The following TBC1D1 variants were observed in gnomAD, a reference collection of about 807,000 sequenced individuals.
The protein encoded by TBC1D1 is TBC1 domain family member 1, also known as TBC1 (tre-2/USP6, BUB2, cdc16) domain family, member 1.
In TBC1D1, 89 loss-of-function variants were observed where a neutral mutation model predicts 125.6. The observed-to-expected ratio is 0.71, with a 90% CI of 0.60 to 0.85. TBC1D1 has a LOEUF of 0.85. Ranked by LOEUF, TBC1D1 falls within the 40% of genes least tolerant of loss-of-function variation. The pLI is 0.00. For synonymous variants in TBC1D1, 565 were observed against 564.1 expected (o/e 1.00, Z -0.02); for missense variants, 1,377 against 1,469.2 (o/e 0.94, Z 1.03).
intron 10 of TBC1D1, among the ~76,000 whole-genome samples, chr4:38,047,776 G>T (rs565895981): frequency 6.6e-6 from 1 of 152,260 alleles, no homozygotes; most frequent in Non-Finnish European, 1.5e-5. Context: ...TGAGGGGTGA[G>T]GGGGCAGTGA....
intron 2 of TBC1D1, among the ~76,000 whole-genome samples, chr4:37,998,259 T>C (rs926321179): frequency 6.6e-6 from 1 of 152,212 alleles, no homozygotes; most frequent in Admixed American, 6.5e-5. Context: ...ACAAGACCCC[T>C]GTCTCCAGCG....
At chr4:37,963,408 G>A (rs1284785913) in intron 2 of TBC1D1, among the ~76,000 whole-genome samples, 1 of 151,354 alleles carries the variant, frequency 6.6e-6, no homozygotes, top group Admixed American at 6.6e-5. Flanking sequence ...GGGTGAGGGA[G>A]GGGGGAGGTC....
intron 17 of TBC1D1, chr4:38,118,419 GGATCC>G (rs1560261027): frequency 1.8e-6 from 1 of 558,466 alleles, no homozygotes; most frequent in Non-Finnish European, 3.2e-6. Flanking sequence ...TGTGGGATGT[GGATCC>G]GATCCGTGTA....
At chr4:38,053,258 T>C in intron 11 of TBC1D1, 33 bp downstream of exon 13, 1 of 1,394,498 alleles carries the variant, frequency 7.2e-7, no homozygotes, top group Non-Finnish European at 9.3e-7. Context: ...CAAGCCTGGG[T>C]GTTACTAAGT....
At chr4:38,054,579 G>A (rs1751339020) in intron 12 of TBC1D1, among the ~76,000 whole-genome samples, 1 of 152,194 alleles carries the variant, frequency 6.6e-6, no homozygotes. Context: ...TGTTTAGAGT[G>A]GTCACAGTGT....
chr4:38,041,911 C>T (rs1222196011), intron 8 of TBC1D1, among the ~76,000 whole-genome samples: 4 of 152,148 alleles, frequency 2.6e-5, no homozygotes, highest in East Asian at 1.9e-4. Context: ...CAGTGGCTCA[C>T]GCCTGTAATC....
chr4:38,122,606 C>T (rs980309517), intron 17 of TBC1D1, among the ~76,000 whole-genome samples: 2 of 152,186 alleles, frequency 1.3e-5, no homozygotes, highest in Non-Finnish European at 2.9e-5. Context: ...CTGGGCATAA[C>T]TCTACCGAAC....
chr4:37,954,659 G>C (rs1728548903), intron 2 of TBC1D1, among the ~76,000 whole-genome samples: 1 of 152,022 alleles, frequency 6.6e-6, no homozygotes, highest in African/African-American at 2.4e-5. Flanking sequence ...GATGAGGACC[G>C]GCCTAGGATA....
chr4:37,994,659 T>A (rs1055405837), intron 2 of TBC1D1, among the ~76,000 whole-genome samples: 27 of 152,248 alleles, frequency 1.8e-4, no homozygotes, highest in Admixed American at 1.6e-3. Flanking sequence ...ATGCATTTTA[T>A]GACCCTTGTT....
intron 15 of TBC1D1, among the ~76,000 whole-genome samples, chr4:38,114,199 G>C (rs970965520): frequency 6.6e-6 from 1 of 152,148 alleles, no homozygotes; most frequent in Non-Finnish European, 1.5e-5. Context: ...TAACAGAGTG[G>C]ATAATTTGTT....
intron 12 of TBC1D1, among the ~76,000 whole-genome samples, chr4:38,082,619 T>G (rs1756768757): frequency 6.6e-6 from 1 of 152,202 alleles, no homozygotes; most frequent in Non-Finnish European, 1.5e-5. Context: ...ATGCGTTATC[T>G]CCTGTCTACA....
intron 2 of TBC1D1, among the ~76,000 whole-genome samples, chr4:37,991,916 C>G (rs1252009250): frequency 1.3e-5 from 2 of 152,200 alleles, no homozygotes; most frequent in African/African-American, 2.4e-5. Context: ...GTGGAAGAAA[C>G]TGCATGAGCA....
At chr4:38,038,765 G>A (rs1265604889) in intron 8 of TBC1D1, among the ~76,000 whole-genome samples, 2 of 152,136 alleles carry the variant, frequency 1.3e-5, no homozygotes, top group Non-Finnish European at 2.9e-5. Context: ...GGCTAACACA[G>A]TGAAAGCTCG....
rs534492952 is a variant in TBC1D1, at chr4:38,099,298, G to A, written c.2398+3208G>A. ...CATAAGTAGATCTGTATTTACTGAC[G>A]TAAAAGATGTCTAAGTTGTTAAATG... is the stretch of plus-strand genomic sequence containing the variant. On this transcript the variant is annotated intron_variant, in intron 14 of 19. Transcript: ENST00000261439. Among the ~76,000 whole-genome samples the A allele has an allele frequency of 4.2e-4, 64 of 152,178 alleles. 1 individual carries two copies. Among genetic ancestry groups the A allele is most frequent in the Non-Finnish European group, 7.2e-4 (49 of 68,042 alleles).
At chr4:38,059,619 T>G (rs900915710) in intron 12 of TBC1D1, among the ~76,000 whole-genome samples, 5 of 152,214 alleles carry the variant, frequency 3.3e-5, no homozygotes, top group African/African-American at 1.2e-4. Context: ...ACGCTGAGTA[T>G]GTGGAAGGAC....
At chr4:37,952,120 A>G (rs1728003138) in intron 2 of TBC1D1, 1 of 715,940 alleles carries the variant, frequency 1.4e-6, no homozygotes, top group Admixed American at 2.0e-5. Flanking sequence ...AGCTTGCTGC[A>G]AGGCCTGCAG....
chr4:38,083,192 T>C (rs1756875944), intron 12 of TBC1D1, among the ~76,000 whole-genome samples: 1 of 152,212 alleles, frequency 6.6e-6, no homozygotes, highest in South Asian at 2.1e-4. Context: ...ATGGTTAAAG[T>C]GCTAAAGAAT....
intron 12 of TBC1D1, among the ~76,000 whole-genome samples, chr4:38,073,878 CCA>C (rs1755127529): frequency 6.6e-6 from 1 of 152,160 alleles, no homozygotes; most frequent in Admixed American, 6.5e-5. Flanking sequence ...TGAATGGCAG[CCA>C]TTCTTGAAAT....
chr4:37,960,457 A>T (rs779830454), intron 2 of TBC1D1: 2 of 1,613,824 alleles, frequency 1.2e-6, no homozygotes, highest in Non-Finnish European at 1.7e-6. Context: ...ATCTACGTTG[A>T]TAAGGAAATT....
Sources: allele counts gnomAD v4.1 joint callset (sites outside exome capture counted in the v4.1 genomes callset), GRCh38; gene constraint gnomAD v4.1.1; transcripts MANE v1.5; gene names NCBI Gene and HGNC (gene_info 2026-07-23, HGNC 2026-07-21).